RIMS3: variants seen among roughly 807,000 people sequenced by gnomAD.
The protein encoded by RIMS3 is regulating synaptic membrane exocytosis protein 3.
Under a neutral mutation model 29.2 loss-of-function variants are expected in RIMS3, and 15 were observed. That is an observed-to-expected ratio of 0.51 (90% confidence interval 0.34 to 0.79). The LOEUF is 0.79. Among genes scored for constraint, RIMS3 ranks in the 30% least tolerant of loss-of-function variants. RIMS3 has a pLI of 0.01. For synonymous variants in RIMS3, 161 were observed against 170.1 expected, an observed-to-expected ratio of 0.95 and a Z score of 0.41; for missense variants, 342 against 421.4, an observed-to-expected ratio of 0.81 and a Z score of 1.65.
the RIMS3 span, among the ~76,000 whole-genome samples, chr1:40,675,477 G>T: frequency 6.6e-6 from 1 of 152,016 alleles, no homozygotes; most frequent in Non-Finnish European, 1.5e-5. Flanking sequence ...TAAAAATTAG[G>T]CTGGGTACGG....
the RIMS3 span, among the ~76,000 whole-genome samples, chr1:40,684,977 A>T: frequency 1.3e-5 from 2 of 152,182 alleles, no homozygotes; most frequent in African/African-American, 4.8e-5. Flanking sequence ...GGCCTCAAGC[A>T]ACAGAACTGT....
intron 1 of RIMS3, 41 bp downstream of exon 1, chr1:40,665,353 C>A (rs955175604): frequency 1.3e-5 from 2 of 152,498 alleles, no homozygotes; most frequent in African/African-American, 2.4e-5. Context: ...GCAGCCCCCT[C>A]CCCACGTCCA....
intron 6 of RIMS3, 102 bp from the exon 7 acceptor site, chr1:40,629,051 G>A (rs1464739813): frequency 9.5e-6 from 14 of 1,468,624 alleles, no homozygotes; most frequent in Middle Eastern, 2.2e-4. Context: ...AGCAGGATGT[G>A]TGGAATGAGC....
Position 40,631,544 on chromosome 1 carries a change from C to T in RIMS3, c.472+1525G>A, listed in dbSNP as rs567532459. The stretch of plus-strand genomic sequence containing the variant: ...AAGAAAAAAAATTAGCCATGTGTGG[C>T]GGTGTGCGCCTGTAGTCCCAGCTAC... On this transcript the variant is annotated intron_variant, in intron 5 of 7. Coordinates refer to ENST00000372684, the MANE Select transcript of RIMS3 (RefSeq NM_014747.3). Among the ~76,000 whole-genome samples the T allele has an allele frequency of 1.7e-3, 264 of 152,034 alleles. 1 individual carries two copies. Among genetic ancestry groups the T allele is most frequent in the African/African-American group, 6.1e-3 (255 of 41,466 alleles).
intron 5 of RIMS3, among the ~76,000 whole-genome samples, chr1:40,632,422 A>T (rs1370663651): frequency 1.9e-4 from 3 of 16,158 alleles, no homozygotes; most frequent in Non-Finnish European, 3.9e-4. Flanking sequence ...ATAAATTTAT[A>T]TATATATATA....
At chr1:40,629,090 G>A in intron 6 of RIMS3, 141 bp from the exon 7 acceptor site, 1 of 1,179,218 alleles carries the variant, frequency 8.5e-7, no homozygotes, top group South Asian at 1.3e-5. Context: ...CAGAAGAGGT[G>A]ACTCAAGTAC....
intron 1 of RIMS3, among the ~76,000 whole-genome samples, chr1:40,652,226 C>T (rs971237653): frequency 6.6e-5 from 10 of 152,186 alleles, no homozygotes; most frequent in South Asian, 2.1e-4. Flanking sequence ...ACTCCCCAAA[C>T]GGAAGCAAGA....
rs1646422044 is a variant in RIMS3, at chr1:40,621,750, T to C, written c.*4767A>G. The stretch of plus-strand genomic sequence containing the variant: ...TGTCCCTGTCCAGATCACTGGCTAA[T>C]GGGGTGGATGCTCAGTTGCCCCTGG... On this transcript the variant is annotated 3_prime_UTR_variant, in exon 8 of 8. Transcript: ENST00000372684. 6.6e-6 allele frequency: 1 copy of C among 152,230 alleles called. No individual in the cohort carries two copies. Among genetic ancestry groups the C allele is most frequent in the East Asian group, 1.9e-4 (1 of 5,188 alleles). 9.4% of individuals were successfully genotyped at this position (152,230 alleles called of 1,614,324 possible).
rs1646418519 is a variant in RIMS3, at chr1:40,621,160, A to G, written c.*5357T>C. ...GGAAATAAGTTCCCTCTCTCCTCCC[A>G]TCAGAGAACATTTCCTTTAGAATTC... On this transcript the variant is annotated 3_prime_UTR_variant, in exon 8 of 8. Coordinates refer to ENST00000372684, the MANE Select transcript of RIMS3 (RefSeq NM_014747.3). 6.6e-6 allele frequency: 1 copy of G among 152,192 alleles called. No individual in the cohort carries two copies. Among genetic ancestry groups the G allele is most frequent in the Non-Finnish European group, 1.5e-5 (1 of 68,028 alleles). 9.4% of individuals were successfully genotyped at this position (152,192 alleles called of 1,614,324 possible).
Position 40,647,728 on chromosome 1 carries a change from C to A in RIMS3, c.-92G>T, listed in dbSNP as rs1646604953. The A allele has an allele frequency of 6.6e-6, 1 of 152,162 alleles. No homozygotes were observed. The highest frequency in any genetic ancestry group is 2.1e-4 in the South Asian group (1 of 4,828). 9.4% of individuals were successfully genotyped at this position (152,162 alleles called of 1,614,324 possible). A position where few individuals can be genotyped will look rare whatever the true frequency, so the allele number is the denominator to read the frequency against. On this transcript the variant is annotated 5_prime_UTR_variant, in exon 2 of 8. Transcript: ENST00000372684. ...CAGGGGGCTGCCTCCCAACAGCACA[C>A]CCCTAGGGCATTTGCACAAGGCTTC... is the stretch of plus-strand genomic sequence containing the variant.
chr1:40,641,309 A>T (rs932793462), intron 3 of RIMS3, among the ~76,000 whole-genome samples: 2 of 152,140 alleles, frequency 1.3e-5, no homozygotes, highest in African/African-American at 2.4e-5. Flanking sequence ...TGTCTGTAAA[A>T]CTGTGGTGTC....
At chr1:40,681,372 T>C in the RIMS3 span, 3 of 151,572 alleles carry the variant, frequency 2.0e-5, no homozygotes, top group African/African-American at 7.3e-5. Context: ...AAGTGGATTT[T>C]GACCCCAGAA....
intron 3 of RIMS3, among the ~76,000 whole-genome samples, chr1:40,640,361 C>T (rs1646548246): frequency 6.6e-6 from 1 of 152,186 alleles, no homozygotes; most frequent in Non-Finnish European, 1.5e-5. Flanking sequence ...CCTATAATAG[C>T]TTTCCCCAGC....
At chr1:40,688,207 C>A in the RIMS3 span, among the ~76,000 whole-genome samples, 1 of 152,158 alleles carries the variant, frequency 6.6e-6, no homozygotes, top group Non-Finnish European at 1.5e-5. Context: ...TCGTGATCTG[C>A]CCGCCTCAGC....
At chr1:40,685,845 GAA>G in the RIMS3 span, among the ~76,000 whole-genome samples, 1 of 141,006 alleles carries the variant, frequency 7.1e-6, no homozygotes. Context: ...AACCTTTAAA[GAA>G]AAAAAAAAAA....
chr1:40,666,066 A>G (rs1642421937), upstream of RIMS3, among the ~76,000 whole-genome samples: 1 of 152,220 alleles, frequency 6.6e-6, no homozygotes. Context: ...TAAGAGAAGA[A>G]ACGACTTACA....
At chr1:40,677,722 T>TAAA in the RIMS3 span, among the ~76,000 whole-genome samples, 2 of 151,402 alleles carry the variant, frequency 1.3e-5, no homozygotes, top group African/African-American at 2.4e-5. Context: ...AAATAAATAA[T>TAAA]TAATTAAAAA....
At chr1:40,663,211 C>T (rs1447901201) in intron 1 of RIMS3, among the ~76,000 whole-genome samples, 3 of 152,204 alleles carry the variant, frequency 2.0e-5, no homozygotes, top group Non-Finnish European at 4.4e-5. Flanking sequence ...ACGCACCCTG[C>T]ACCCCAAGTC....
chr1:40,659,421 G>A (rs998430528), intron 1 of RIMS3, among the ~76,000 whole-genome samples: 1 of 152,176 alleles, frequency 6.6e-6, no homozygotes, highest in Non-Finnish European at 1.5e-5. Context: ...CTGTGTTTTA[G>A]AAAGATTGTT....
Sources: gnomAD v4.1 joint callset for allele counts (sites outside exome capture counted in the v4.1 genomes callset) on GRCh38, gnomAD v4.1.1 for gene constraint, MANE v1.5 for transcripts, NCBI Gene and HGNC (gene_info 2026-07-23, HGNC 2026-07-21) for gene names.